The following PRUNE2 variants were observed in gnomAD, a reference collection of about 807,000 sequenced individuals.
PRUNE2 encodes protein prune homolog 2.
In PRUNE2, 164 loss-of-function variants were observed where a neutral mutation model predicts 252.0. That is an observed-to-expected ratio of 0.65 (90% confidence interval 0.57 to 0.74). The LOEUF is 0.74. Ranked by LOEUF, PRUNE2 falls within the 30% of genes least tolerant of loss-of-function variation. The pLI is 0.00. For missense variants in PRUNE2, 3,495 were observed against 3,711.0 expected (o/e 0.94, Z 1.51); for synonymous variants, 1,292 against 1,350.2 (o/e 0.96, Z 0.94).
intron 6 of PRUNE2, among the ~76,000 whole-genome samples, chr9:76,800,682 A>G (rs2056489818): frequency 6.6e-6 from 1 of 151,952 alleles, no homozygotes; most frequent in African/African-American, 2.4e-5. Flanking sequence ...ATTGCGCCCT[A>G]CTCCTCTGGA....
chr9:76,825,332 C>T (rs995939708), intron 5 of PRUNE2, among the ~76,000 whole-genome samples: 1 of 152,274 alleles, frequency 6.6e-6, no homozygotes, highest in Admixed American at 6.5e-5. Flanking sequence ...CTCCTGGAGC[C>T]GAGATGAGCA....
chr9:76,624,336 A>G (rs768816249), intron 17 of PRUNE2, 116 bp downstream of exon 17: 10 of 576,230 alleles, frequency 1.7e-5, no homozygotes, highest in Non-Finnish European at 2.5e-5. Flanking sequence ...GAGAATTTCT[A>G]AAGTGCATTA....
chr9:76,705,230 C>T lies in PRUNE2; in HGVS notation c.7044G>A (p.Ser2348=), dbSNP rs375625066. 8 of 1,613,904 alleles carry T rather than the reference C, an allele frequency of 5.0e-6. No homozygotes were observed. Among genetic ancestry groups the T allele is most frequent in the South Asian group, 2.2e-5 (2 of 91,088 alleles). Residue 2348 remains serine (S), a synonymous_variant, in exon 8 of 19, where the codon TCG becomes TCA. Transcript: ENST00000376718. ...TTACATCATATTCAAAATCACCCCA[C>T]GAGGCTTCAGATGAGCAGATATCTT... ...GKQDICSSEA[S]WGDFEYDVMG...
At chr9:76,811,756 T>TA in intron 6 of PRUNE2, among the ~76,000 whole-genome samples, 1 of 152,302 alleles carries the variant, frequency 6.6e-6, no homozygotes, top group African/African-American at 2.4e-5. Context: ...ACTGTGAACT[T>TA]AAAAGAGAAG....
In PRUNE2 at chr9:76,707,214, GA is replaced by G; in HGVS notation, c.5059del (p.Ser1687LeufsTer12). ...DARVISTSSG[S>X]DDDSVGGEES... ...TTCACCACCGACACTGTCATCATCA[GA>G]ACCTGAGCTTGTTGAAATGACCCTG... On this transcript the variant is annotated frameshift_variant, in exon 8 of 19. Transcript: ENST00000376718. LOFTEE classifies it high-confidence loss of function. 1 of 1,613,938 alleles carries G rather than the reference GA, an allele frequency of 6.2e-7. No individual in the cohort carries two copies. Among genetic ancestry groups the G allele is most frequent in the South Asian group, 1.1e-5 (1 of 91,062 alleles).
intron 1 of PRUNE2, among the ~76,000 whole-genome samples, chr9:76,896,807 AT>A (rs1273824016): frequency 6.6e-6 from 1 of 152,190 alleles, no homozygotes; most frequent in Non-Finnish European, 1.5e-5. Flanking sequence ...AAGGCCACCA[AT>A]AAGAGAGTGG....
chr9:76,652,433 C>A (rs755350878), intron 11 of PRUNE2, 50 bp downstream of exon 11: 22 of 1,283,194 alleles, frequency 1.7e-5, no homozygotes, highest in Non-Finnish European at 2.1e-5. Context: ...GTTAGAAAAT[C>A]TTTTACTTAT....
Position 76,655,431 on chromosome 9 carries a change from A to G in PRUNE2, c.8348T>C (p.Met2783Thr). ...ACAAATGCTGCTCTCACCAGGCCTC[A>G]TGTCTGCAGCACTGGGACTCAGCAC... ...EGVLSPSAAD[M>T]RPEPPNSLDL... Residue 2783 changes from methionine (M) to threonine (T), a missense_variant, in exon 10 of 19, where the codon ATG (methionine) becomes ACG (threonine). By Grantham distance (81) the Met-to-Thr change is moderately conservative. Coordinates refer to ENST00000376718, the MANE Select transcript of PRUNE2 (RefSeq NM_015225.3). 1 of 1,610,522 alleles carries G rather than the reference A, an allele frequency of 6.2e-7. No individual in the cohort carries two copies. Among genetic ancestry groups the G allele is most frequent in the Non-Finnish European group, 8.5e-7 (1 of 1,177,644 alleles).
intron 1 of PRUNE2, among the ~76,000 whole-genome samples, chr9:76,894,716 G>GAAAAAAAAAAAAAAAAAAAAA (rs1170899729): frequency 2.7e-5 from 3 of 110,710 alleles, no homozygotes; most frequent in Non-Finnish European, 1.5e-5. Context: ...ATTTTCTGCA[G>GAAAAAAAAAAAAAAAAAAAAA]CAAAAAAAAA....
intron 12 of PRUNE2, among the ~76,000 whole-genome samples, chr9:76,638,600 T>C (rs767028059): frequency 5.9e-5 from 9 of 151,416 alleles, no homozygotes; most frequent in Non-Finnish European, 1.2e-4. Flanking sequence ...ATATTCGACA[T>C]CACAAAAAAA....
chr9:76,673,835 C>T (rs1458641863), intron 9 of PRUNE2, among the ~76,000 whole-genome samples: 29 of 151,856 alleles, frequency 1.9e-4, no homozygotes, highest in Non-Finnish European at 3.4e-4. Flanking sequence ...GCAGAAAAAG[C>T]CTTTGACAAA....
intron 6 of PRUNE2, among the ~76,000 whole-genome samples, chr9:76,734,034 A>T (rs1010584256): frequency 2.0e-5 from 3 of 151,944 alleles, no homozygotes; most frequent in Non-Finnish European, 4.4e-5. Flanking sequence ...CCTTCTATGT[A>T]GGGGATTCAG....
chr9:76,884,169 A>C (rs980543917), intron 1 of PRUNE2, among the ~76,000 whole-genome samples: 6 of 152,136 alleles, frequency 3.9e-5, no homozygotes, highest in Non-Finnish European at 8.8e-5. Context: ...CACAAAGCAC[A>C]CTTGGGTTAT....
Position 76,664,539 on chromosome 9 carries a change from G to A in PRUNE2, c.8277-9037C>T, listed in dbSNP as rs116792909. 7.2e-3 allele frequency among the ~76,000 whole-genome samples: 1,102 copies of A among 152,172 alleles called. 7 individuals are homozygous for A. The highest frequency in any genetic ancestry group is 0.025 in the African/African-American group (1,026 of 41,516). Reference sequence around the variant, plus strand: ...TATTTATTTTATTCATTTATTTTTTGAGACAGGGTCTTGCTGTATTGCCCA... The same window carrying A: ...TATTTATTTTATTCATTTATTTTTTAAGACAGGGTCTTGCTGTATTGCCCA... On this transcript the variant is annotated intron_variant, in intron 9 of 18. Coordinates refer to ENST00000376718, the MANE Select transcript of PRUNE2 (RefSeq NM_015225.3).
At chr9:76,762,627 T>C (rs1406893841) in intron 6 of PRUNE2, among the ~76,000 whole-genome samples, 1 of 152,200 alleles carries the variant, frequency 6.6e-6, no homozygotes, top group Non-Finnish European at 1.5e-5. Flanking sequence ...CGTTTCTTTT[T>C]ACATGTTCAA....
intron 6 of PRUNE2, among the ~76,000 whole-genome samples, chr9:76,742,257 C>T (rs2049693472): frequency 6.6e-6 from 1 of 152,096 alleles, no homozygotes; most frequent in Admixed American, 6.5e-5. Context: ...GGAAAATTAT[C>T]TGCAGTACTT....
At chr9:76,887,770 G>C (rs1263432075) in intron 1 of PRUNE2, among the ~76,000 whole-genome samples, 1 of 152,180 alleles carries the variant, frequency 6.6e-6, no homozygotes, top group Non-Finnish European at 1.5e-5. Context: ...AAGGCACTTG[G>C]AGCCACAGCT....
chr9:76,732,449 T>A (rs183578985), intron 6 of PRUNE2, among the ~76,000 whole-genome samples: 35 of 152,354 alleles, frequency 2.3e-4, no homozygotes, highest in African/African-American at 7.9e-4. Context: ...ACATTTGGCT[T>A]GGTTTTTGAC....
rs187598775 is a variant in PRUNE2, at chr9:76,837,572, G to C, written c.508+8943C>G. On this transcript the variant is annotated intron_variant, in intron 4 of 18. Transcript: ENST00000376718. ...ATATGCCCCCACTGCATGTGGAAAA[G>C]GATAGAGCAGGGGTATTTCTATGGC... Among the ~76,000 whole-genome samples the C allele has an allele frequency of 7.8e-3, 1,185 of 151,642 alleles. 16 individuals carry two copies. Among genetic ancestry groups the C allele is most frequent in the African/African-American group, 0.027 (1,124 of 41,294 alleles).
Sources: gnomAD v4.1 joint callset for allele counts (sites outside exome capture counted in the v4.1 genomes callset) on GRCh38, gnomAD v4.1.1 for gene constraint, MANE v1.5 for transcripts, NCBI Gene and HGNC (gene_info 2026-07-23, HGNC 2026-07-21) for gene names.